Variants in GAREM1 observed in about 807,000 individuals in gnomAD.
GAREM1 encodes GRB2 associated regulator of MAPK1 subtype 1, also known as GRB2-associated and regulator of MAPK protein 1.
GAREM1 carries 26 observed loss-of-function variants against 71.3 expected under a neutral mutation model. The ratio of observed to expected loss-of-function variants is 0.36; its 90% CI spans 0.27 to 0.51. The LOEUF is 0.51. GAREM1 is among the 20% of genes least tolerant of loss of function. The pLI, the probability that GAREM1 is intolerant of heterozygous loss-of-function variation, is 0.95. For synonymous variants in GAREM1, 440 were observed against 433.2 expected, an observed-to-expected ratio of 1.02 and a Z score of -0.20; for missense variants, 1,026 against 1,103.1, an observed-to-expected ratio of 0.93 and a Z score of 0.99.
intron 1 of GAREM1, among the ~76,000 whole-genome samples, chr18:32,442,595 G>C (rs769307253): frequency 6.6e-6 from 1 of 152,150 alleles, no homozygotes; most frequent in African/African-American, 2.4e-5. Flanking sequence ...ATTTGAGGAA[G>C]AGAATATATT....
chr18:32,455,439 C>G (rs1214493223), intron 1 of GAREM1, among the ~76,000 whole-genome samples: 1 of 152,096 alleles, frequency 6.6e-6, no homozygotes, highest in Non-Finnish European at 1.5e-5. Context: ...GGGAAATACA[C>G]TTTCAACTAA....
At chr18:32,363,322 T>G (rs1424164663) in intron 2 of GAREM1, among the ~76,000 whole-genome samples, 1 of 152,204 alleles carries the variant, frequency 6.6e-6, no homozygotes, top group Non-Finnish European at 1.5e-5. Context: ...AGTCCATGGT[T>G]CCATTCCTTT....
At chr18:32,345,312 T>C (rs1157609320) in intron 2 of GAREM1, among the ~76,000 whole-genome samples, 4 of 152,186 alleles carry the variant, frequency 2.6e-5, no homozygotes, top group African/African-American at 9.7e-5. Context: ...ATTACCAATA[T>C]AGCACAGGGA....
chr18:32,414,711 A>G (rs1198072353), intron 1 of GAREM1, among the ~76,000 whole-genome samples: 2 of 152,142 alleles, frequency 1.3e-5, no homozygotes, highest in Non-Finnish European at 2.9e-5. Context: ...TACGGGATAC[A>G]GCAAAAGCAG....
chr18:32,463,229 A>G (rs1441309568), intron 1 of GAREM1, among the ~76,000 whole-genome samples: 2 of 152,218 alleles, frequency 1.3e-5, no homozygotes, highest in African/African-American at 4.8e-5. Flanking sequence ...TTAAAAATTA[A>G]AAAGTTATAC....
chr18:32,351,604 G>GCTA (rs2047751703), intron 2 of GAREM1, among the ~76,000 whole-genome samples: 1 of 152,012 alleles, frequency 6.6e-6, no homozygotes, highest in Non-Finnish European at 1.5e-5. Context: ...CTAGGATGAT[G>GCTA]CTACACACAC....
intron 2 of GAREM1, among the ~76,000 whole-genome samples, chr18:32,370,395 C>G (rs1160643349): frequency 6.7e-6 from 1 of 148,920 alleles, no homozygotes; most frequent in Non-Finnish European, 1.5e-5. Flanking sequence ...CGCACTCCAG[C>G]CTGGCAACAG....
At chr18:32,394,075 A>C (rs1395890311) in intron 1 of GAREM1, among the ~76,000 whole-genome samples, 1 of 152,200 alleles carries the variant, frequency 6.6e-6, no homozygotes, top group East Asian at 1.9e-4. Flanking sequence ...CCCAACCTAA[A>C]ATGTCTAATT....
At chr18:32,386,432 C>T (rs892176076) in intron 2 of GAREM1, among the ~76,000 whole-genome samples, 1 of 152,186 alleles carries the variant, frequency 6.6e-6, no homozygotes, top group African/African-American at 2.4e-5. Context: ...GCAATTCTTA[C>T]CCATCTTCTG....
chr18:32,364,026 A>ATATATATATTTTT (rs1336753011), intron 2 of GAREM1, among the ~76,000 whole-genome samples: 1 of 46,418 alleles, frequency 2.2e-5, no homozygotes, highest in African/African-American at 1.6e-4. Context: ...ATATATATAT[A>ATATATATATTTTT]TGTTTTTTTT....
intron 1 of GAREM1, among the ~76,000 whole-genome samples, chr18:32,439,371 A>T (rs1568011937): frequency 6.6e-6 from 1 of 152,228 alleles, no homozygotes; most frequent in Non-Finnish European, 1.5e-5. Flanking sequence ...CCAGGCTGAC[A>T]TCAGATAAGC....
chr18:32,452,166 G>T (rs2144294650), intron 1 of GAREM1, among the ~76,000 whole-genome samples: 1 of 152,054 alleles, frequency 6.6e-6, no homozygotes, highest in East Asian at 1.9e-4. Context: ...GATATTAGGA[G>T]CTTACATATT....
At chr18:32,357,799 T>G (rs2047820724) in intron 2 of GAREM1, among the ~76,000 whole-genome samples, 1 of 152,218 alleles carries the variant, frequency 6.6e-6, no homozygotes, top group African/African-American at 2.4e-5. Context: ...CAGCTATCTC[T>G]GGAACACTGC....
At chr18:32,430,762 C>T (rs1047907190) in intron 1 of GAREM1, among the ~76,000 whole-genome samples, 1 of 152,194 alleles carries the variant, frequency 6.6e-6, no homozygotes, top group African/African-American at 2.4e-5. Context: ...CGAGGAGAAT[C>T]CTCTCTGACT....
chr18:32,326,740 T>C (rs2047478284), intron 2 of GAREM1, among the ~76,000 whole-genome samples: 1 of 152,234 alleles, frequency 6.6e-6, no homozygotes, highest in Non-Finnish European at 1.5e-5. Flanking sequence ...CATCTCCCAA[T>C]ACTTCATTTT....
intron 1 of GAREM1, among the ~76,000 whole-genome samples, chr18:32,463,076 T>C (rs2048966951): frequency 1.4e-5 from 2 of 139,086 alleles, no homozygotes; most frequent in African/African-American, 2.8e-5. Context: ...GGATTTTATA[T>C]GTTCCCACTA....
chr18:32,327,846 G>T lies in GAREM1; in HGVS notation c.263-17523C>A, dbSNP rs1475957810. On this transcript the variant is annotated intron_variant, in intron 2 of 5. Transcript: ENST00000269209. ...GACCTTGAGAGGAGGACATTTCGGG[G>T]CTTCAGTTTCCTCACATATAAAATG... Among the ~76,000 whole-genome samples the T allele has an allele frequency of 2.0e-5, 3 of 152,236 alleles. No homozygotes were observed. The South Asian group carries it at 6.2e-4, about 32-fold the overall frequency.
chr18:32,329,361 G>C (rs1265004595), intron 2 of GAREM1, among the ~76,000 whole-genome samples: 1 of 151,486 alleles, frequency 6.6e-6, no homozygotes, highest in Non-Finnish European at 1.5e-5. Flanking sequence ...GGGCAACGGA[G>C]CAAGAACCTG....
Position 32,268,040 on chromosome 18 carries a change from C to T in GAREM1, c.2462G>A (p.Arg821Gln), listed in dbSNP as rs756156267. The T allele has an allele frequency of 6.2e-6, 10 of 1,614,044 alleles. No homozygotes were observed. The highest frequency in any genetic ancestry group is 2.2e-5 in the East Asian group (1 of 44,868). ...GACATCTTCGGACAAACCAATGAAC[C>T]GTAGTGACTTGGACACTTCCTCTAT... ...LSIEEVSKSL[R>Q]FIGLSEDVIS... The change falls in exon 6 of 6, where the codon CGG becomes CAG. Residue 821 changes from arginine to glutamine, a missense_variant. Around this residue, in one of 3 missense-constraint regions of GAREM1, gnomAD observed 636 missense variants for 631.2 expected, o/e 1.01. Coordinates refer to ENST00000269209, the MANE Select transcript of GAREM1 (RefSeq NM_001242409.2).
Sources: allele counts gnomAD v4.1 joint callset (sites outside exome capture counted in the v4.1 genomes callset), GRCh38; gene constraint gnomAD v4.1.1; regional missense constraint gnomAD v4.1.1; transcripts MANE v1.5; gene names NCBI Gene and HGNC (gene_info 2026-07-23, HGNC 2026-07-21).